ARID2: variants seen among roughly 807,000 people sequenced by gnomAD.
The protein encoded by ARID2 is AT-rich interaction domain 2, also known as AT-rich interactive domain-containing protein 2.
A neutral mutation model predicts 184.6 loss-of-function variants in ARID2; 32 were observed. The ratio of observed to expected loss-of-function variants is 0.17; its 90% CI spans 0.13 to 0.23. The LOEUF (loss-of-function observed/expected upper bound fraction) is 0.23. ARID2 is among the 10% of genes least tolerant of loss of function. ARID2 has a pLI of 1.00. For synonymous variants in ARID2, 836 were observed against 772.6 expected (o/e 1.08, Z -1.36); for missense variants, 1,696 against 2,197.6 (o/e 0.77, Z 4.56).
intron 16 of ARID2, among the ~76,000 whole-genome samples, chr12:45,864,000 T>G (rs1943794742): frequency 6.6e-6 from 1 of 151,676 alleles, no homozygotes; most frequent in Admixed American, 6.6e-5. Context: ...AGACTACAGG[T>G]GCATGCCGCC....
intron 20 of ARID2, among the ~76,000 whole-genome samples, chr12:45,894,719 G>A (rs1944346606): frequency 6.6e-6 from 1 of 151,980 alleles, no homozygotes; most frequent in African/African-American, 2.4e-5. Flanking sequence ...TAACACTTGA[G>A]CCAAGTTTTT....
At chr12:45,823,717 C>T (rs567838006) in intron 6 of ARID2, among the ~76,000 whole-genome samples, 1 of 152,062 alleles carries the variant, frequency 6.6e-6, no homozygotes, top group Non-Finnish European at 1.5e-5. Flanking sequence ...TGGACACATA[C>T]AACCCATCAA....
At chr12:45,779,954 T>G (rs1942058236) in intron 3 of ARID2, among the ~76,000 whole-genome samples, 1 of 152,176 alleles carries the variant, frequency 6.6e-6, no homozygotes, top group Non-Finnish European at 1.5e-5. Flanking sequence ...ATATTTATAT[T>G]GGATAAATTG....
chr12:45,745,213 G>C (rs941932784), intron 3 of ARID2, among the ~76,000 whole-genome samples: 77 of 152,298 alleles, frequency 5.1e-4, no homozygotes, highest in African/African-American at 1.8e-3. Flanking sequence ...GATTCCTAAA[G>C]ACAGGAGCAA....
At chr12:45,807,698 A>G (rs1344055107) in intron 3 of ARID2, among the ~76,000 whole-genome samples, 1 of 152,170 alleles carries the variant, frequency 6.6e-6, no homozygotes, top group Admixed American at 6.5e-5. Context: ...TATATAACAT[A>G]TAATCTTAAA....
intron 3 of ARID2, among the ~76,000 whole-genome samples, chr12:45,809,424 T>G (rs1360223874): frequency 6.6e-6 from 1 of 152,234 alleles, no homozygotes; most frequent in East Asian, 1.9e-4. Context: ...CTTTAGCAAT[T>G]TAAAAAGAAT....
At chr12:45,856,130 G>A (rs553609541) in intron 15 of ARID2, among the ~76,000 whole-genome samples, 41 of 139,034 alleles carry the variant, frequency 2.9e-4, no homozygotes, top group African/African-American at 1.0e-3. Flanking sequence ...GCTGGAGTGC[G>A]GTGGCATGAT....
intron 6 of ARID2, among the ~76,000 whole-genome samples, chr12:45,832,674 C>G (rs1943142975): frequency 6.6e-6 from 1 of 152,044 alleles, no homozygotes. Context: ...CATTTACAGT[C>G]TGGTCTCTGA....
chr12:45,847,841 A>G (rs148329167), intron 12 of ARID2, among the ~76,000 whole-genome samples: 116 of 152,126 alleles, frequency 7.6e-4, no homozygotes, highest in African/African-American at 2.7e-3. Context: ...CTCACCTTCT[A>G]TATTTTTACA....
At chr12:45,821,330 T>C in intron 5 of ARID2, 90 bp from the exon 6 acceptor site, 1 of 698,614 alleles carries the variant, frequency 1.4e-6, no homozygotes. Context: ...AGATGTAGTT[T>C]TGTTGTTTTT....
chr12:45,898,810 AG>A (rs1194666463), intron 20 of ARID2, among the ~76,000 whole-genome samples: 1 of 151,772 alleles, frequency 6.6e-6, no homozygotes, highest in East Asian at 1.9e-4. Context: ...CCAGCTACTC[AG>A]GCTGAGGCAG....
At chr12:45,862,435 C>G (rs12311899) in intron 16 of ARID2, among the ~76,000 whole-genome samples, 1 of 152,026 alleles carries the variant, frequency 6.6e-6, no homozygotes, top group Non-Finnish European at 1.5e-5. Flanking sequence ...TTGAAACTTT[C>G]TTCACTGCAT....
At chr12:45,887,970 CGGATCACGA>C (rs2138226325) in intron 16 of ARID2, among the ~76,000 whole-genome samples, 1 of 152,192 alleles carries the variant, frequency 6.6e-6, no homozygotes, top group South Asian at 2.1e-4. Flanking sequence ...GCTAGGCGGG[CGGATCACGA>C]GGTCAGGAGA....
intron 15 of ARID2, 77 bp from the exon 16 acceptor site, chr12:45,860,724 A>G (rs1943728730): frequency 1.6e-6 from 2 of 1,237,778 alleles, no homozygotes; most frequent in Admixed American, 6.5e-5. Context: ...AACATAATCA[A>G]ATTTATAAGA....
intron 3 of ARID2, among the ~76,000 whole-genome samples, chr12:45,804,236 T>C (rs553254563): frequency 6.6e-6 from 1 of 152,284 alleles, no homozygotes; most frequent in African/African-American, 2.4e-5. Flanking sequence ...GATCCAAAAG[T>C]AGAAGTATTC....
intron 3 of ARID2, among the ~76,000 whole-genome samples, chr12:45,745,361 A>T (rs1052283634): frequency 6.6e-6 from 1 of 152,288 alleles, no homozygotes; most frequent in East Asian, 1.9e-4. Context: ...AAATAAGGAT[A>T]CTTTTCCAGG....
At chr12:45,865,500 G>GT (rs530953173) in intron 16 of ARID2, among the ~76,000 whole-genome samples, 2 of 151,826 alleles carry the variant, frequency 1.3e-5, no homozygotes, top group Non-Finnish European at 2.9e-5. Flanking sequence ...TAGATGAAGG[G>GT]TTTTTTTCTT....
At chr12:45,831,160 G>A (rs1943114796) in intron 6 of ARID2, among the ~76,000 whole-genome samples, 1 of 151,896 alleles carries the variant, frequency 6.6e-6, no homozygotes, top group Non-Finnish European at 1.5e-5. Context: ...TTCTATTGCT[G>A]CACTTTTTCT....
chr12:45,893,326 C>A (rs187739996), intron 18 of ARID2, 94 bp from the exon 19 acceptor site: 2 of 1,392,264 alleles, frequency 1.4e-6, no homozygotes, highest in African/African-American at 1.5e-5. Context: ...TTTAAAATAA[C>A]CAGCTTAAAG....
Sources: gnomAD v4.1 joint callset for allele counts (sites outside exome capture counted in the v4.1 genomes callset) on GRCh38, gnomAD v4.1.1 for gene constraint, MANE v1.5 for transcripts, NCBI Gene and HGNC (gene_info 2026-07-23, HGNC 2026-07-21) for gene names.